NEBL: variants seen among roughly 807,000 people sequenced by gnomAD.
NEBL encodes the protein LIM and SH3 protein 2.
NEBL carries 122 observed loss-of-function variants against 140.2 expected under a neutral mutation model. The observed-to-expected ratio is 0.87, with a 90% confidence interval of 0.75 to 1.01. The LOEUF is 1.01. Among genes scored for constraint, NEBL ranks in the 50% least tolerant of loss-of-function variants. NEBL has a pLI of 0.00. For synonymous variants in NEBL, 436 were observed against 398.9 expected, an observed-to-expected ratio of 1.09 and a Z score of -1.11; for missense variants, 1,365 against 1,231.3, an observed-to-expected ratio of 1.11 and a Z score of -1.62.
At chr10:21,207,504 A>G (rs1841846329) in intron 3 of NEBL, among the ~76,000 whole-genome samples, 1 of 152,070 alleles carries the variant, frequency 6.6e-6, no homozygotes, top group Admixed American at 6.6e-5. Context: ...TGGTTTTTGT[A>G]TTGACTGTGC....
At chr10:21,132,810 T>C (rs1445101809) in intron 2 of NEBL, among the ~76,000 whole-genome samples, 2 of 152,224 alleles carry the variant, frequency 1.3e-5, no homozygotes, top group Non-Finnish European at 2.9e-5. Context: ...ATCTGTTGCC[T>C]ATTTTTAATT....
chr10:21,020,674 A>G (rs907768852), intron 2 of NEBL, among the ~76,000 whole-genome samples: 3 of 152,082 alleles, frequency 2.0e-5, no homozygotes, highest in Admixed American at 1.3e-4. Context: ...CTGTGGACAC[A>G]ACCAACAGAC....
At chr10:20,826,319 T>G (rs1056160148) in intron 18 of NEBL, 128 bp downstream of exon 18, 20 of 773,006 alleles carry the variant, frequency 2.6e-5, no homozygotes, top group Non-Finnish European at 4.0e-5. Context: ...TGATATATGA[T>G]GAAATAGCAT....
chr10:21,227,702 TTCTTCTTCTTTCTTCTTCTTC>T (rs1277950562), intron 3 of NEBL, among the ~76,000 whole-genome samples: 83 of 68,300 alleles, frequency 1.2e-3, no homozygotes, highest in African/African-American at 4.6e-3. Context: ...CTTCTTCTTC[TTCTTCTTCTTTCTTCTTCTTC>T]TTCTTCTTCT....
chr10:21,158,858 A>AT (rs1272445211), intron 2 of NEBL, among the ~76,000 whole-genome samples: 2 of 152,104 alleles, frequency 1.3e-5, no homozygotes, highest in African/African-American at 4.8e-5. Flanking sequence ...GCTAAATAGG[A>AT]TTTTTTTCTG....
At chr10:20,923,362 T>C (rs937971757) in intron 4 of NEBL, among the ~76,000 whole-genome samples, 53 of 152,172 alleles carry the variant, frequency 3.5e-4, no homozygotes, top group African/African-American at 9.2e-4. Context: ...ACACCACACC[T>C]GGCCACGTAT....
chr10:20,819,021 A>G lies in NEBL; in HGVS notation c.2055+403T>C, dbSNP rs187178980. ...GTACATATTCACTTTTTCATGTTAT[A>G]ATGATATGATTCATCCATATAATTG... is the stretch of plus-strand genomic sequence containing the variant. On this transcript the variant is annotated intron_variant, in intron 20 of 27. Transcript: ENST00000377122. 4.1e-5 allele frequency: 41 copies of G among 1,001,512 alleles called. No individual in the cohort carries two copies. In the African/African-American group the frequency reaches 6.4e-4, roughly 16 times the overall value. 62.0% of individuals were successfully genotyped at this position (1,001,512 alleles called of 1,614,324 possible). A position where few individuals can be genotyped will look rare whatever the true frequency, so the allele number is the denominator to read the frequency against.
At chr10:21,143,321 T>C (rs796461250) in intron 2 of NEBL, among the ~76,000 whole-genome samples, 1 of 151,508 alleles carries the variant, frequency 6.6e-6, no homozygotes, top group South Asian at 2.1e-4. Context: ...TGGTGGTGGG[T>C]GTCTGTAATC....
intron 7 of NEBL, among the ~76,000 whole-genome samples, chr10:20,865,255 T>C (rs1379170285): frequency 6.6e-6 from 1 of 152,166 alleles, no homozygotes; most frequent in Admixed American, 6.5e-5. Context: ...AAAGTAAAAT[T>C]ATTCCTATGA....
intron 1 of NEBL, among the ~76,000 whole-genome samples, chr10:21,277,780 A>T (rs979537083): frequency 5.3e-5 from 8 of 151,950 alleles, no homozygotes; most frequent in Admixed American, 4.6e-4. Flanking sequence ...ACTGTTTTTA[A>T]CACCTTGTCC....
At chr10:20,918,918 T>C (rs987394274) in intron 4 of NEBL, among the ~76,000 whole-genome samples, 2 of 152,040 alleles carry the variant, frequency 1.3e-5, no homozygotes, top group African/African-American at 4.8e-5. Context: ...TCGTTCCCAC[T>C]TAACATGATC....
chr10:21,189,773 T>C (rs1288858030), intron 3 of NEBL, among the ~76,000 whole-genome samples: 1 of 152,152 alleles, frequency 6.6e-6, no homozygotes, highest in Non-Finnish European at 1.5e-5. Context: ...GGCCCAGCCT[T>C]CTGTTGTTTT....
intron 2 of NEBL, chr10:21,110,577 A>G (rs769123812): frequency 4.4e-5 from 9 of 204,020 alleles, no homozygotes; most frequent in South Asian, 1.5e-4. Context: ...CATACTCTCA[A>G]ATAACTAGCC....
At chr10:20,939,473 C>T (rs1834715461) in intron 4 of NEBL, among the ~76,000 whole-genome samples, 1 of 152,058 alleles carries the variant, frequency 6.6e-6, no homozygotes, top group Non-Finnish European at 1.5e-5. Context: ...CCAGCCACTG[C>T]AAAAACATGC....
intron 4 of NEBL, among the ~76,000 whole-genome samples, chr10:20,959,629 C>T (rs992542747): frequency 2.0e-5 from 3 of 152,128 alleles, no homozygotes; most frequent in Admixed American, 6.6e-5. Context: ...GAGCACTTAA[C>T]AGCCTCCCTT....
intron 3 of NEBL, among the ~76,000 whole-genome samples, chr10:21,011,215 G>A (rs1414310926): frequency 2.0e-5 from 3 of 152,194 alleles, no homozygotes; most frequent in Non-Finnish European, 4.4e-5. Flanking sequence ...GGGACAGGGG[G>A]AGAGCCCAGA....
At chr10:21,107,688 G>C (rs1837786280) in intron 2 of NEBL, among the ~76,000 whole-genome samples, 2 of 152,174 alleles carry the variant, frequency 1.3e-5, no homozygotes, top group Admixed American at 1.3e-4. Context: ...CTCATAAAAT[G>C]AGTTAGGGAG....
chr10:21,115,142 A>T (rs946673599), intron 2 of NEBL, among the ~76,000 whole-genome samples: 1 of 151,948 alleles, frequency 6.6e-6, no homozygotes, highest in Non-Finnish European at 1.5e-5. Flanking sequence ...AAGTTTTATT[A>T]TACCACTTTA....
chr10:21,243,202 C>G (rs1377924365), intron 3 of NEBL, among the ~76,000 whole-genome samples: 1 of 151,628 alleles, frequency 6.6e-6, no homozygotes, highest in Non-Finnish European at 1.5e-5. Flanking sequence ...GACATCCATT[C>G]AAGATATCTA....
Sources: allele counts gnomAD v4.1 joint callset (sites outside exome capture counted in the v4.1 genomes callset), GRCh38; gene constraint gnomAD v4.1.1; transcripts MANE v1.5; gene names NCBI Gene and HGNC (gene_info 2026-07-23, HGNC 2026-07-21).